DRGX: variants seen among roughly 807,000 people sequenced by gnomAD.
DRGX encodes the protein dorsal root ganglia homeobox, also known as dorsal root ganglia homeobox protein.
Under a neutral mutation model 28.6 loss-of-function variants are expected in DRGX, and 21 were observed. The ratio of observed to expected loss-of-function variants is 0.73; its 90% CI spans 0.52 to 1.06. DRGX has a LOEUF of 1.06. Ranked by LOEUF, DRGX falls within the 50% of genes least tolerant of loss-of-function variation. DRGX has a pLI of 0.00. For missense variants in DRGX, 354 were observed against 343.9 expected, an observed-to-expected ratio of 1.03 and a Z score of -0.23; for synonymous variants, 136 against 139.1, an observed-to-expected ratio of 0.98 and a Z score of 0.16.
Position 49,366,266 on chromosome 10 carries a change from G to T in DRGX, c.642C>A (p.Arg214=), listed in dbSNP as rs201659578. The T allele has an allele frequency of 1.9e-6, 3 of 1,613,812 alleles. No homozygotes were observed. Among genetic ancestry groups the T allele is most frequent in the African/African-American group, 2.7e-5 (2 of 74,920 alleles). ...ASVATLRMKA[R]EHSEAVLQSA... is the part of the protein sequence containing the mutation. ...ACTGCAGGACAGCTTCTGAGTGCTC[G>T]CGGGCCTTCATGCGCAGGGTGGCCA... The change falls in exon 7 of 7, where the codon CGC becomes CGA. Residue 214 remains arginine (R), a synonymous_variant. Coordinates refer to ENST00000374139, the MANE Select transcript of DRGX (RefSeq NM_001276451.2).
intron 4 of DRGX, among the ~76,000 whole-genome samples, chr10:49,389,713 T>C (rs1849879862): frequency 6.6e-6 from 1 of 152,204 alleles, no homozygotes; most frequent in Non-Finnish European, 1.5e-5. Context: ...CATGATGCAA[T>C]TTCTGGAAAG....
At chr10:49,384,036 C>A (rs1590367613) in intron 6 of DRGX, among the ~76,000 whole-genome samples, 1 of 152,252 alleles carries the variant, frequency 6.6e-6, no homozygotes. Flanking sequence ...GCAACGGCTG[C>A]CCTTTGAGTG....
chr10:49,395,344 C>T (rs993287344), intron 2 of DRGX, 63 bp downstream of exon 2: 3 of 1,542,496 alleles, frequency 1.9e-6, no homozygotes, highest in African/African-American at 2.7e-5. Context: ...GCCCTGCTGC[C>T]GCTCCGGCCC....
rs528208081 is a variant in DRGX at position 49,389,698 on chromosome 10, T to C, written c.234+435A>G. 7.2e-5 allele frequency among the ~76,000 whole-genome samples: 11 copies of C among 152,300 alleles called. No individual in the cohort carries two copies. The South Asian group carries it at 1.0e-3, about 14-fold the overall frequency. Reference sequence around the variant, plus strand: ...AAAGAGTCTGAGGGCAGGGGAAAAGTTGGACATGATGCAATTTCTGGAAAG... The same window carrying C: ...AAAGAGTCTGAGGGCAGGGGAAAAGCTGGACATGATGCAATTTCTGGAAAG... On this transcript the variant is annotated intron_variant, in intron 4 of 6. Transcript: ENST00000374139.
rs1239458145 is a variant in DRGX at position 49,365,971 on chromosome 10, G to C, written c.*145C>G. The C allele has an allele frequency of 1.0e-6, 1 of 960,848 alleles. No individual in the cohort carries two copies. Among genetic ancestry groups the C allele is most frequent in the African/African-American group, 1.7e-5 (1 of 59,788 alleles). 59.5% of individuals were successfully genotyped at this position (960,848 alleles called of 1,614,324 possible). Reference sequence around the variant, plus strand: ...GGACGCTCCAGGTGCCAAGGGAGCTGTGGGTCTCACTTGCCCGTCCTGGGT... The same window carrying C: ...GGACGCTCCAGGTGCCAAGGGAGCTCTGGGTCTCACTTGCCCGTCCTGGGT... On this transcript the variant is annotated 3_prime_UTR_variant, in exon 7 of 7. Transcript: ENST00000374139.
At chr10:49,388,351 T>TC (rs1488415427) in intron 4 of DRGX, among the ~76,000 whole-genome samples, 1 of 152,200 alleles carries the variant, frequency 6.6e-6, no homozygotes, top group Non-Finnish European at 1.5e-5. Context: ...CATCCTCTCC[T>TC]CCCCTGGCTG....
At chr10:49,376,238 A>G (rs1003833032) in intron 6 of DRGX, among the ~76,000 whole-genome samples, 2 of 152,080 alleles carry the variant, frequency 1.3e-5, no homozygotes, top group Admixed American at 1.3e-4. Context: ...TCTCCTACAA[A>G]TCTTAAGTGC....
intron 6 of DRGX, among the ~76,000 whole-genome samples, chr10:49,375,741 G>A (rs962859752): frequency 2.2e-4 from 34 of 151,930 alleles, no homozygotes; most frequent in African/African-American, 8.0e-4. Context: ...GTCTCTGCAG[G>A]GTCAAACAAG....
At chr10:49,376,204 G>C (rs539717561) in intron 6 of DRGX, among the ~76,000 whole-genome samples, 1 of 152,130 alleles carries the variant, frequency 6.6e-6, no homozygotes, top group South Asian at 2.1e-4. Context: ...TGCAGAAGCC[G>C]TGGTAACATG....
At position 49,366,082 on chromosome 10, in the gene DRGX, G is replaced by A; in HGVS notation, c.*34C>T. 1 of 1,515,250 alleles carries A rather than the reference G, an allele frequency of 6.6e-7. No homozygotes were observed. Among genetic ancestry groups the A allele is most frequent in the South Asian group, 1.3e-5 (1 of 75,956 alleles). 93.9% of individuals were successfully genotyped at this position (1,515,250 alleles called of 1,614,324 possible). ...GCTGAGGCTGGGAGAAGGAGGGGCGGGGGAGGGCAGGCCGGGCGGGGCACT... is the reference window on the plus strand; with the variant it reads ...GCTGAGGCTGGGAGAAGGAGGGGCGAGGGAGGGCAGGCCGGGCGGGGCACT... On this transcript the variant is annotated 3_prime_UTR_variant, in exon 7 of 7. Coordinates refer to ENST00000374139, the MANE Select transcript of DRGX (RefSeq NM_001276451.2).
chr10:49,383,851 G>A (rs1420822132), intron 6 of DRGX, among the ~76,000 whole-genome samples: 1 of 152,244 alleles, frequency 6.6e-6, no homozygotes, highest in South Asian at 2.1e-4. Flanking sequence ...AGCACTGTGA[G>A]ACATAAACTT....
chr10:49,385,369 T>C (rs1351310025), intron 6 of DRGX, among the ~76,000 whole-genome samples: 4 of 152,144 alleles, frequency 2.6e-5, no homozygotes, highest in Non-Finnish European at 5.9e-5. Flanking sequence ...TCCAGGGCCA[T>C]CAAGCTCTGG....
chr10:49,369,198 T>C (rs1849629408), intron 6 of DRGX, among the ~76,000 whole-genome samples: 1 of 152,146 alleles, frequency 6.6e-6, no homozygotes, highest in Non-Finnish European at 1.5e-5. Context: ...CCCATAACTA[T>C]ACTCCTGGCC....
rs957496734 is a variant in DRGX at position 49,395,513 on chromosome 10, C to T, written c.-73G>A. 18 of 1,507,472 alleles carry T rather than the reference C, an allele frequency of 1.2e-5. No individual in the cohort carries two copies. The African/African-American group carries it at 2.1e-4, about 17-fold the overall frequency. The allele number at this position is 1,507,472 out of a possible 1,614,324, so 93.4% of individuals were successfully genotyped here. On this transcript the variant is annotated 5_prime_UTR_variant, in exon 2 of 7. Transcript: ENST00000374139. The stretch of plus-strand genomic sequence containing the variant: ...GCAGAACGGACCCGCGCGCGTTGCT[C>T]CTGCCTGGCTGCAAAGCAAACAGCG...
intron 2 of DRGX, among the ~76,000 whole-genome samples, chr10:49,393,057 T>A (rs889586753): frequency 6.6e-6 from 1 of 152,012 alleles, no homozygotes; most frequent in Non-Finnish European, 1.5e-5. Flanking sequence ...AGGTATTTAA[T>A]CTATAAATAT....
chr10:49,392,652 G>T lies in DRGX; in HGVS notation c.35-1391C>A, dbSNP rs563877006. ...ATTTATACATCATGGTCCCAAAGTG[G>T]CTCACAATGTGTACATGCAGAATCT... On this transcript the variant is annotated intron_variant, in intron 2 of 6. Transcript: ENST00000374139. Among the ~76,000 whole-genome samples, 57 of 152,214 alleles carry T rather than the reference G, an allele frequency of 3.7e-4. 2 individuals carry two copies. The Middle Eastern group carries it at 0.02, about 54-fold the overall frequency.
rs1335173952 is a variant in DRGX, at chr10:49,364,779, A to G, written c.*1337T>C. On this transcript the variant is annotated 3_prime_UTR_variant, in exon 7 of 7. Transcript: ENST00000374139. The stretch of plus-strand genomic sequence containing the variant: ...TGGGGGTCATGGAGTGGGGGAAGGT[A>G]AAAAGGGGACAGGAAATGTGAAAGT... The G allele has an allele frequency of 6.6e-6, 1 of 152,244 alleles. No individual in the cohort carries two copies. The highest frequency in any genetic ancestry group is 2.4e-5 in the African/African-American group (1 of 41,430). 9.4% of individuals were successfully genotyped at this position (152,244 alleles called of 1,614,324 possible).
intron 6 of DRGX, among the ~76,000 whole-genome samples, chr10:49,370,872 C>T (rs1231915126): frequency 2.0e-5 from 3 of 152,204 alleles, no homozygotes; most frequent in African/African-American, 7.2e-5. Flanking sequence ...AACTTCACTG[C>T]CATCCCACAG....
intron 5 of DRGX, 37 bp downstream of exon 5, chr10:49,386,643 C>T (rs372275422): frequency 3.8e-6 from 6 of 1,577,300 alleles, no homozygotes; most frequent in Non-Finnish European, 5.2e-6. Flanking sequence ...TGCAGTGCTG[C>T]CCATGGCCCA....
Sources: allele counts gnomAD v4.1 joint callset (sites outside exome capture counted in the v4.1 genomes callset), GRCh38; gene constraint gnomAD v4.1.1; transcripts MANE v1.5; gene names NCBI Gene and HGNC (gene_info 2026-07-23, HGNC 2026-07-21).